The following ANKS3 variants were observed in gnomAD, a reference collection of about 807,000 sequenced individuals.
ANKS3 encodes the protein ankyrin repeat and SAM domain-containing protein 3.
A neutral mutation model predicts 80.7 loss-of-function variants in ANKS3; 62 were observed. The ratio of observed to expected loss-of-function variants is 0.77; its 90% confidence interval spans 0.63 to 0.95. The LOEUF (loss-of-function observed/expected upper bound fraction) is 0.95. ANKS3 is among the 40% of genes least tolerant of loss of function. The pLI, the probability that ANKS3 is intolerant of heterozygous loss-of-function variation, is 0.00. For synonymous variants in ANKS3, 489 were observed against 355.3 expected (o/e 1.38, Z -4.23); for missense variants, 1,150 against 883.6 (o/e 1.30, Z -3.82).
At chr16:4,713,214 G>C (rs935931715) in intron 7 of ANKS3, among the ~76,000 whole-genome samples, 15 of 152,104 alleles carry the variant, frequency 9.9e-5, no homozygotes, top group Admixed American at 5.9e-4. Flanking sequence ...GTTGCGGTGA[G>C]GCAAGATCGC....
At chr16:4,724,904 T>C (rs1681266137) in intron 5 of ANKS3, 73 bp from the exon 6 acceptor site, 1 of 1,409,288 alleles carries the variant, frequency 7.1e-7, no homozygotes, top group Non-Finnish European at 1.0e-6. Flanking sequence ...CTGCTGAAGA[T>C]AAACCCTGAG....
Position 4,698,792 on chromosome 16 carries a change from C to A in ANKS3, c.1551+8G>T, listed in dbSNP as rs765087146. 30 of 1,601,164 alleles carry A rather than the reference C, an allele frequency of 1.9e-5. No individual in the cohort carries two copies. The highest frequency in any genetic ancestry group is 2.4e-5 in the Non-Finnish European group (28 of 1,174,388). ...CCCTGCCCCCCCATCCCCCACCCAGCCACTCACCTTGTGCAGCTGGATGGC... is the reference window on the plus strand; with the variant it reads ...CCCTGCCCCCCCATCCCCCACCCAGACACTCACCTTGTGCAGCTGGATGGC... On this transcript the variant is annotated splice_region_variant and intron_variant, in intron 13 of 17. Coordinates refer to ENST00000304283, the MANE Select transcript of ANKS3 (RefSeq NM_133450.4).
intron 3 of ANKS3, chr16:4,728,216 T>G (rs1403698310): frequency 1.3e-5 from 2 of 152,288 alleles, no homozygotes; most frequent in Admixed American, 1.3e-4. Context: ...CAGCTAGTTT[T>G]TTGTATTTTT....
At position 4,714,059 on chromosome 16, in the gene ANKS3, C is replaced by G; in HGVS notation, c.701G>C (p.Arg234Pro). 6.2e-7 allele frequency: 1 copy of G among 1,614,054 alleles called. No homozygotes were observed. The highest frequency in any genetic ancestry group is 8.5e-7 in the Non-Finnish European group (1 of 1,179,970). The change falls in exon 7 of 18, where the codon CGG (arginine) becomes CCG (proline). Residue 234 changes from arginine (R) to proline (P), a missense_variant. Coordinates refer to ENST00000304283, the MANE Select transcript of ANKS3 (RefSeq NM_133450.4). ...YSPSLPKSLY[R>P]SPEKYEDLSS... ...CTGGCAGGTGTGGGTACCTGGGCTC[C>G]GATAGAGGCTCTTGGGCAGAGAGGG...
chr16:4,701,981 T>G (rs1308242681), intron 9 of ANKS3, 121 bp downstream of exon 9: 7 of 1,277,592 alleles, frequency 5.5e-6, no homozygotes, highest in African/African-American at 4.6e-5. Context: ...CACCTACCCC[T>G]TTCCTGTCCT....
rs771207589 is a variant in ANKS3 at position 4,730,105 on chromosome 16, G to A, written c.45C>T (p.Asn15=). The change falls in exon 3 of 18, where the codon AAC becomes AAT. Residue 15 remains asparagine (N), a synonymous_variant. Transcript: ENST00000304283. ...SDEASEPELL[N]RSLSMWHGLG... ...GCCCGTGCCACATGGACAAGCTGCG[G>A]TTCAGGAGTTCCGGCTCGCTGGCTT... is the stretch of plus-strand genomic sequence containing the variant. The A allele has an allele frequency of 1.3e-6, 2 of 1,592,300 alleles. No individual in the cohort carries two copies. The highest frequency in any genetic ancestry group is 2.3e-5 in the South Asian group (2 of 88,632).
intron 5 of ANKS3, 42 bp from the exon 6 acceptor site, chr16:4,724,873 G>C (rs1317600627): frequency 1.7e-5 from 27 of 1,596,080 alleles, no homozygotes; most frequent in East Asian, 2.2e-5. Flanking sequence ...GAAGAGACAA[G>C]TTCCGCCAGG....
chr16:4,710,653 T>G (rs1171552440), intron 7 of ANKS3, among the ~76,000 whole-genome samples: 1 of 152,058 alleles, frequency 6.6e-6, no homozygotes, highest in Non-Finnish European at 1.5e-5. Context: ...GAGGTTGCAT[T>G]GAGTCGAGAT....
chr16:4,698,120 C>T, intron 14 of ANKS3, 58 bp from the exon 15 acceptor site: 2 of 1,513,286 alleles, frequency 1.3e-6, no homozygotes, highest in Admixed American at 2.0e-5. Context: ...TGCAGAGCCC[C>T]CACCTCAGAC....
chr16:4,730,266 G>C (rs1417303012), intron 2 of ANKS3, 115 bp from the exon 3 acceptor site: 54 of 994,066 alleles, frequency 5.4e-5, no homozygotes, highest in African/African-American at 6.7e-5. Flanking sequence ...ACCCAGTGCA[G>C]TCAACCCCGG....
intron 6 of ANKS3, among the ~76,000 whole-genome samples, chr16:4,715,389 G>A (rs1411449109): frequency 6.6e-6 from 1 of 152,210 alleles, no homozygotes; most frequent in Non-Finnish European, 1.5e-5. Context: ...GGAAGCCAGA[G>A]CCAAAGCTCA....
intron 7 of ANKS3, among the ~76,000 whole-genome samples, chr16:4,712,816 C>T (rs1254229684): frequency 2.0e-5 from 3 of 152,068 alleles, no homozygotes; most frequent in Admixed American, 6.6e-5. Context: ...AACAAAAGAA[C>T]GGTGCAATTC....
chr16:4,724,122 A>C (rs898487107), intron 6 of ANKS3, among the ~76,000 whole-genome samples: 1 of 152,230 alleles, frequency 6.6e-6, no homozygotes, highest in Non-Finnish European at 1.5e-5. Flanking sequence ...CAAATGTATT[A>C]AAGCTATGTG....
rs758034712 is a variant in ANKS3, at chr16:4,699,189, G to A, written c.1285-13C>T. On this transcript the variant is annotated splice_polypyrimidine_tract_variant and intron_variant, in intron 11 of 17. Transcript: ENST00000304283. ...GTGCGGCAAGGTCCTGGCAGGCACA[G>A]GGGACAGGTTGGGGGAGGTAGTGGC... The A allele has an allele frequency of 4.3e-6, 7 of 1,613,592 alleles. No individual in the cohort carries two copies. The highest frequency in any genetic ancestry group is 5.9e-6 in the Non-Finnish European group (7 of 1,179,842).
intron 8 of ANKS3, among the ~76,000 whole-genome samples, chr16:4,704,368 G>GT (rs1221598740): frequency 6.6e-6 from 1 of 152,204 alleles, no homozygotes; most frequent in Non-Finnish European, 1.5e-5. Context: ...CACCAGGCCT[G>GT]TGAGACCAGC....
intron 8 of ANKS3, among the ~76,000 whole-genome samples, chr16:4,704,297 G>C (rs1411434278): frequency 6.6e-6 from 1 of 152,174 alleles, no homozygotes; most frequent in Non-Finnish European, 1.5e-5. Context: ...CTGAAACACT[G>C]TCTACTCTCA....
At chr16:4,714,953 C>T (rs1403322523) in intron 6 of ANKS3, among the ~76,000 whole-genome samples, 1 of 125,386 alleles carries the variant, frequency 8.0e-6, no homozygotes, top group Non-Finnish European at 1.6e-5. Flanking sequence ...GATCATGCCA[C>T]TGCACTCCAG....
At chr16:4,707,149 T>A (rs1191050216) in intron 7 of ANKS3, among the ~76,000 whole-genome samples, 1 of 152,030 alleles carries the variant, frequency 6.6e-6, no homozygotes, top group Non-Finnish European at 1.5e-5. Context: ...TGCGTGAATC[T>A]CAGCACCCAA....
chr16:4,711,152 G>A (rs1043569843), intron 7 of ANKS3, among the ~76,000 whole-genome samples: 34 of 139,938 alleles, frequency 2.4e-4, no homozygotes, highest in African/African-American at 8.3e-4. Context: ...TGCCTAGGCT[G>A]GACTGCAATG....
Sources: gnomAD v4.1 joint callset for allele counts (sites outside exome capture counted in the v4.1 genomes callset) on GRCh38, gnomAD v4.1.1 for gene constraint, MANE v1.5 for transcripts, NCBI Gene and HGNC (gene_info 2026-07-23, HGNC 2026-07-21) for gene names.